Variants in PRUNE2 observed in about 807,000 individuals in gnomAD.
The protein encoded by PRUNE2 is protein prune homolog 2.
Under a neutral mutation model 252.0 loss-of-function variants are expected in PRUNE2, and 164 were observed. The ratio of observed to expected loss-of-function variants is 0.65; its 90% CI spans 0.57 to 0.74. The LOEUF is 0.74. Among genes scored for constraint, PRUNE2 ranks in the 30% least tolerant of loss-of-function variants. The pLI is 0.00. For missense variants in PRUNE2, 3,495 were observed against 3,711.0 expected, an observed-to-expected ratio of 0.94 and a Z score of 1.51; for synonymous variants, 1,292 against 1,350.2, an observed-to-expected ratio of 0.96 and a Z score of 0.94.
intron 6 of PRUNE2, among the ~76,000 whole-genome samples, chr9:76,762,937 C>G (rs1407733333): frequency 6.6e-6 from 1 of 152,160 alleles, no homozygotes; most frequent in Non-Finnish European, 1.5e-5. Flanking sequence ...TTAAAACAGA[C>G]AAAATAGCTT....
intron 16 of PRUNE2, among the ~76,000 whole-genome samples, chr9:76,626,822 C>T (rs1388604259): frequency 6.6e-6 from 1 of 152,168 alleles, no homozygotes; most frequent in Non-Finnish European, 1.5e-5. Context: ...GTGCAACTTA[C>T]TTCCTTACTT....
intron 9 of PRUNE2, among the ~76,000 whole-genome samples, chr9:76,678,780 A>C (rs568259006): frequency 1.2e-4 from 19 of 152,238 alleles, no homozygotes; most frequent in Non-Finnish European, 2.1e-4. Flanking sequence ...GTGAGCCGAG[A>C]TGGTGCCACT....
At chr9:76,826,272 G>A (rs184529149) in intron 5 of PRUNE2, among the ~76,000 whole-genome samples, 412 of 152,220 alleles carry the variant, frequency 2.7e-3, no homozygotes, top group African/African-American at 9.5e-3. Context: ...CCAGGAGTTC[G>A]AGACCAGCCT....
chr9:76,869,360 A>G (rs926662901), intron 1 of PRUNE2, among the ~76,000 whole-genome samples: 13 of 152,328 alleles, frequency 8.5e-5, no homozygotes, highest in Non-Finnish European at 1.6e-4. Flanking sequence ...TGTACTTTGC[A>G]AAGACGACAG....
At chr9:76,879,237 C>T (rs1259926218) in intron 1 of PRUNE2, among the ~76,000 whole-genome samples, 2 of 152,154 alleles carry the variant, frequency 1.3e-5, no homozygotes, top group South Asian at 2.1e-4. Flanking sequence ...AGAAAACAGA[C>T]AGAAAGAGAT....
chr9:76,709,003 T>C lies in PRUNE2; in HGVS notation c.3271A>G (p.Thr1091Ala). 2 of 1,613,996 alleles carry C rather than the reference T, an allele frequency of 1.2e-6. No individual in the cohort carries two copies. The highest frequency in any genetic ancestry group is 1.7e-6 in the Non-Finnish European group (2 of 1,179,878). The change falls in exon 8 of 19, where the codon ACA (threonine) becomes GCA (alanine). Residue 1091 changes from threonine to alanine, a missense_variant. Coordinates refer to ENST00000376718, the MANE Select transcript of PRUNE2 (RefSeq NM_015225.3). ...TGCAAAAGTGTGAGTTGTCGGTTTG[T>C]TTCATTGTACAGTTGCATCATGCTG... ...DPSMMQLYNETNRQLTLLHSS... is the reference protein window; with the variant it reads ...DPSMMQLYNEANRQLTLLHSS...
chr9:76,635,055 C>G (rs932747739), intron 15 of PRUNE2, among the ~76,000 whole-genome samples: 1 of 152,114 alleles, frequency 6.6e-6, no homozygotes, highest in South Asian at 2.1e-4. Flanking sequence ...TCACTGCAAC[C>G]TCCTCCCAGG....
In PRUNE2 at chr9:76,637,434, G is replaced by C; in HGVS notation, c.8947C>G (p.Gln2983Glu). The change falls in exon 14 of 19, where the codon CAG becomes GAG. Residue 2983 changes from glutamine to glutamate, a missense_variant. Gln to Glu is a conservative substitution (Grantham distance 29). Transcript: ENST00000376718. ...PGLGWMKKCY[Q>E]MIDRRLRKNL... Reference sequence around the variant, plus strand: ...CCCACATACCGTCTGTCAATCATCTGGTAGCATTTCTTCATCCAGCCTAGC... The same window carrying C: ...CCCACATACCGTCTGTCAATCATCTCGTAGCATTTCTTCATCCAGCCTAGC... The C allele has an allele frequency of 6.2e-7, 1 of 1,613,504 alleles. No individual in the cohort carries two copies. Among genetic ancestry groups the C allele is most frequent in the Non-Finnish European group, 8.5e-7 (1 of 1,179,730 alleles).
chr9:76,848,038 C>T (rs889309075), intron 3 of PRUNE2, among the ~76,000 whole-genome samples: 2 of 152,124 alleles, frequency 1.3e-5, no homozygotes, highest in African/African-American at 4.8e-5. Context: ...CTGAGGCAGG[C>T]GGGTCACCTG....
intron 1 of PRUNE2, among the ~76,000 whole-genome samples, chr9:76,879,892 TA>T: frequency 2.3e-5 from 2 of 87,822 alleles, no homozygotes; most frequent in African/African-American, 6.1e-5. Flanking sequence ...TATATATATA[TA>T]TATATATATA....
chr9:76,759,831 C>T (rs1004016646), intron 6 of PRUNE2: 1 of 152,462 alleles, frequency 6.6e-6, no homozygotes, highest in African/African-American at 2.4e-5. Flanking sequence ...CTTTGGGAGT[C>T]ACAGGCACCC....
At chr9:76,806,842 C>T (rs960465355) in intron 6 of PRUNE2, among the ~76,000 whole-genome samples, 1 of 151,814 alleles carries the variant, frequency 6.6e-6, no homozygotes, top group African/African-American at 2.4e-5. Context: ...AAGCTTTTTG[C>T]AAATATTAAC....
chr9:76,692,126 T>C, intron 9 of PRUNE2: 1 of 717,500 alleles, frequency 1.4e-6, no homozygotes, highest in Non-Finnish European at 2.6e-6. Flanking sequence ...GATGCACGAC[T>C]ACAGCTCTTC....
At chr9:76,785,452 T>C (rs1328979112) in intron 6 of PRUNE2, 3 of 152,178 alleles carry the variant, frequency 2.0e-5, no homozygotes, top group South Asian at 4.1e-4. Context: ...CCTCATAGTA[T>C]CTTATATAAT....
At chr9:76,677,394 G>C (rs1588501828) in intron 9 of PRUNE2, among the ~76,000 whole-genome samples, 1 of 152,218 alleles carries the variant, frequency 6.6e-6, no homozygotes, top group East Asian at 1.9e-4. Context: ...TTTAAAATTA[G>C]CATCGTTTTT....
At chr9:76,761,127 T>C (rs552780438) in intron 6 of PRUNE2, among the ~76,000 whole-genome samples, 179 of 151,386 alleles carry the variant, frequency 1.2e-3, no homozygotes, top group Non-Finnish European at 1.8e-3. Flanking sequence ...GTTTGCTGAA[T>C]TTAATCCAAC....
At chr9:76,649,643 T>TAGATAGATAGATAGATAGATAGAA (rs1276301453) in intron 11 of PRUNE2, among the ~76,000 whole-genome samples, 19 of 150,754 alleles carry the variant, frequency 1.3e-4, no homozygotes, top group African/African-American at 3.5e-4. Flanking sequence ...GATAGATAGA[T>TAGATAGATAGATAGATAGATAGAA]AGAATAGGCT....
intron 4 of PRUNE2, among the ~76,000 whole-genome samples, chr9:76,843,964 G>A (rs1030487093): frequency 2.0e-5 from 3 of 152,168 alleles, no homozygotes; most frequent in Admixed American, 2.0e-4. Context: ...CTGACCTTAA[G>A]TGATCTGCCC....
chr9:76,806,508 C>G (rs893298778), intron 6 of PRUNE2, among the ~76,000 whole-genome samples: 4 of 131,172 alleles, frequency 3.0e-5, no homozygotes, highest in Non-Finnish European at 3.3e-5. Flanking sequence ...AGGCACCATT[C>G]TTTTTTTTTT....
Sources: gnomAD v4.1 joint callset for allele counts (sites outside exome capture counted in the v4.1 genomes callset) on GRCh38, gnomAD v4.1.1 for gene constraint, MANE v1.5 for transcripts, NCBI Gene and HGNC (gene_info 2026-07-23, HGNC 2026-07-21) for gene names.